COX10: variants seen among roughly 807,000 people sequenced by gnomAD.
The protein encoded by COX10 is protoheme IX farnesyltransferase, mitochondrial.
A neutral mutation model predicts 37.3 loss-of-function variants in COX10; 27 were observed. The ratio of observed to expected loss-of-function variants is 0.72; its 90% CI spans 0.53 to 1.00. The LOEUF is 1.00. Ranked by LOEUF, COX10 falls within the 50% of genes least tolerant of loss-of-function variation. The pLI is 0.00. For missense variants in COX10, 475 were observed against 563.2 expected, an observed-to-expected ratio of 0.84 and a Z score of 1.59; for synonymous variants, 222 against 229.1, an observed-to-expected ratio of 0.97 and a Z score of 0.28.
At chr17:14,101,075 G>A (rs1263533819) in intron 3 of COX10, among the ~76,000 whole-genome samples, 1 of 152,180 alleles carries the variant, frequency 6.6e-6, no homozygotes, top group Non-Finnish European at 1.5e-5. Flanking sequence ...ACTAAATGCT[G>A]GCAGTGTGAT....
At chr17:14,134,069 T>C (rs1214317356) in intron 4 of COX10, among the ~76,000 whole-genome samples, 1 of 151,770 alleles carries the variant, frequency 6.6e-6, no homozygotes, top group African/African-American at 2.4e-5. Context: ...CTTTTCATAC[T>C]GTAAATGTTA....
At chr17:14,087,962 T>A (rs897683969) in intron 3 of COX10, among the ~76,000 whole-genome samples, 1 of 152,026 alleles carries the variant, frequency 6.6e-6, no homozygotes, top group African/African-American at 2.4e-5. Context: ...GCTTTCTCAT[T>A]TTGGCACGAC....
chr17:14,201,828 CTGT>C (rs1906549368), intron 6 of COX10, among the ~76,000 whole-genome samples: 3 of 152,230 alleles, frequency 2.0e-5, no homozygotes, highest in African/African-American at 7.2e-5. Context: ...CTGGGCTTCT[CTGT>C]ACCTCGTGTT....
chr17:14,156,084 AAGTACATTCTGTGTGCC>A (rs1331342026), intron 4 of COX10, among the ~76,000 whole-genome samples: 1 of 152,226 alleles, frequency 6.6e-6, no homozygotes, highest in African/African-American at 2.4e-5. Context: ...GATCTTCAGT[AAGTACATTCTGTGTGCC>A]AGGCATCATG....
intron 4 of COX10, among the ~76,000 whole-genome samples, chr17:14,112,676 GCTT>G (rs1346881637): frequency 6.6e-6 from 1 of 152,154 alleles, no homozygotes; most frequent in Non-Finnish European, 1.5e-5. Flanking sequence ...GGTCACGAAA[GCTT>G]CTCAGAAAAG....
At chr17:14,168,079 A>G (rs1382782018) in intron 5 of COX10, among the ~76,000 whole-genome samples, 6 of 152,258 alleles carry the variant, frequency 3.9e-5, no homozygotes, top group African/African-American at 1.4e-4. Context: ...GTTACCTACA[A>G]GATACAATGA....
At chr17:14,099,786 T>G (rs568868616) in intron 3 of COX10, among the ~76,000 whole-genome samples, 1 of 152,166 alleles carries the variant, frequency 6.6e-6, no homozygotes, top group South Asian at 2.1e-4. Context: ...CAAGTCTCCC[T>G]CCTGAGCTTT....
At chr17:14,097,329 T>C (rs79290786) in intron 3 of COX10, among the ~76,000 whole-genome samples, 1 of 151,260 alleles carries the variant, frequency 6.6e-6, no homozygotes, top group Non-Finnish European at 1.5e-5. Context: ...TTTTTTTTTT[T>C]AGAAATGTGT....
In COX10 at chr17:14,079,977, A is replaced by G. The variant is rs1412692397; in HGVS notation, c.499+2921A>G. Among the ~76,000 whole-genome samples the G allele has an allele frequency of 5.9e-5, 9 of 152,124 alleles. No homozygotes were observed. In the East Asian group the frequency reaches 7.7e-4, roughly 13 times the overall value. Reference sequence around the variant, plus strand: ...TACTATTCCATTGTATGGATCTGCCATTATTAACTAGTCTTCTGCAGGTAA... The same window carrying G: ...TACTATTCCATTGTATGGATCTGCCGTTATTAACTAGTCTTCTGCAGGTAA... On this transcript the variant is annotated intron_variant, in intron 3 of 6. Transcript: ENST00000261643.
rs1365207314 is a variant in COX10 at position 14,206,958 on chromosome 17, C to T, written c.1077C>T (p.Arg359=). 3 of 1,614,000 alleles carry T rather than the reference C, an allele frequency of 1.9e-6. No homozygotes were observed. In the Admixed American group the frequency reaches 5.0e-5, roughly 27 times the overall value. The part of the protein sequence containing the change: ...HPGLCRRVAL[R]HCLALLVLSA... ...GCCTGTGCCGGCGCGTGGCGCTGCG[C>T]CACTGCCTGGCCCTGCTCGTGCTGT... Residue 359 remains arginine (R), a synonymous_variant, in exon 7 of 7, where the codon CGC becomes CGT. Coordinates refer to ENST00000261643, the MANE Select transcript of COX10 (RefSeq NM_001303.4).
intron 4 of COX10, among the ~76,000 whole-genome samples, chr17:14,155,667 A>T (rs1905023273): frequency 6.6e-6 from 1 of 151,550 alleles, no homozygotes; most frequent in South Asian, 2.1e-4. Context: ...GTGAGCCAAG[A>T]TTGTGCCACT....
intron 3 of COX10, among the ~76,000 whole-genome samples, chr17:14,079,259 T>C (rs1915224776): frequency 6.6e-6 from 1 of 152,202 alleles, no homozygotes. Context: ...AGGTGAACAT[T>C]TGATTGTCTG....
At chr17:14,074,531 TTTAA>T (rs1915100641) in intron 2 of COX10, 75 bp downstream of exon 2, 2 of 1,391,316 alleles carry the variant, frequency 1.4e-6, no homozygotes, top group South Asian at 1.2e-5. Context: ...GAAATTCCTA[TTTAA>T]TTAAAGTTTT....
Position 14,107,414 on chromosome 17 carries a change from A to T in COX10, c.624+5172A>T, listed in dbSNP as rs376264002. On this transcript the variant is annotated intron_variant, in intron 4 of 6. Coordinates refer to ENST00000261643, the MANE Select transcript of COX10 (RefSeq NM_001303.4). ...ACTTTCAAGTGTCCTAGTTTGGACA[A>T]GTAATTGTATGGTCTTGCTATTCAT... is the stretch of plus-strand genomic sequence containing the variant. 3.8e-4 allele frequency among the ~76,000 whole-genome samples: 58 copies of T among 151,894 alleles called. No individual in the cohort carries two copies. The South Asian group carries it at 7.7e-3, about 20-fold the overall frequency.
chr17:14,152,633 A>G (rs1392288267), intron 4 of COX10, among the ~76,000 whole-genome samples: 2 of 152,324 alleles, frequency 1.3e-5, no homozygotes, highest in East Asian at 1.9e-4. Context: ...AAGCAGAGCC[A>G]TCTGTAAGGG....
intron 5 of COX10, among the ~76,000 whole-genome samples, chr17:14,182,909 T>C (rs1905909633): frequency 6.6e-6 from 1 of 152,048 alleles, no homozygotes; most frequent in African/African-American, 2.4e-5. Flanking sequence ...TTAAATTACA[T>C]TTATTAAGTG....
At chr17:14,206,248 T>A (rs1470306525) in intron 6 of COX10, among the ~76,000 whole-genome samples, 3 of 152,104 alleles carry the variant, frequency 2.0e-5, no homozygotes, top group Non-Finnish European at 4.4e-5. Context: ...GAGCCAGGGC[T>A]CACAGAACAG....
chr17:14,115,345 C>T (rs1310255452), intron 4 of COX10, among the ~76,000 whole-genome samples: 1 of 152,034 alleles, frequency 6.6e-6, no homozygotes, highest in Non-Finnish European at 1.5e-5. Context: ...TAATAATCAC[C>T]AGTCAGAGTG....
rs188933098 is a variant in COX10, at chr17:14,147,204, T to G, written c.625-12673T>G. 1.1e-3 allele frequency among the ~76,000 whole-genome samples: 170 copies of G among 152,326 alleles called. 3 individuals carry two copies. The highest frequency in any genetic ancestry group is 6.8e-3 in the Middle Eastern group (2 of 294). On this transcript the variant is annotated intron_variant, in intron 4 of 6. Coordinates refer to ENST00000261643, the MANE Select transcript of COX10 (RefSeq NM_001303.4). ...GAAGAGATATCTACACTCCCATGTT[T>G]GTTGCAGCTCTGTTCATAATAGTCA... is the stretch of plus-strand genomic sequence containing the variant.
Sources: allele counts gnomAD v4.1 joint callset (sites outside exome capture counted in the v4.1 genomes callset), GRCh38; gene constraint gnomAD v4.1.1; transcripts MANE v1.5; gene names NCBI Gene and HGNC (gene_info 2026-07-23, HGNC 2026-07-21).